ADAMTS3: variants seen among roughly 807,000 people sequenced by gnomAD.
The protein encoded by ADAMTS3 is A disintegrin and metalloproteinase with thrombospondin motifs 3.
A neutral mutation model predicts 129.0 loss-of-function variants in ADAMTS3; 73 were observed. That is an observed-to-expected ratio of 0.57 (90% CI 0.47 to 0.69). The LOEUF (loss-of-function observed/expected upper bound fraction) is 0.69. Ranked by LOEUF, ADAMTS3 falls within the 30% of genes least tolerant of loss-of-function variation. ADAMTS3 has a pLI of 0.00. For missense variants in ADAMTS3, 1,457 were observed against 1,514.5 expected, an observed-to-expected ratio of 0.96 and a Z score of 0.63; for synonymous variants, 477 against 510.8, an observed-to-expected ratio of 0.93 and a Z score of 0.89.
chr4:72,465,813 C>G (rs1269903790), intron 3 of ADAMTS3, among the ~76,000 whole-genome samples: 1 of 151,910 alleles, frequency 6.6e-6, no homozygotes, highest in African/African-American at 2.4e-5. Context: ...GCAGGTTTCC[C>G]CCATACTGTT....
At chr4:72,356,455 T>C (rs1720584346) in intron 4 of ADAMTS3, among the ~76,000 whole-genome samples, 1 of 151,916 alleles carries the variant, frequency 6.6e-6, no homozygotes, top group Non-Finnish European at 1.5e-5. Context: ...TGAGTTCATC[T>C]AGTTGTTATA....
chr4:72,568,199 G>T (rs572793655), intron 1 of ADAMTS3, among the ~76,000 whole-genome samples: 1 of 152,152 alleles, frequency 6.6e-6, no homozygotes, highest in East Asian at 1.9e-4. Flanking sequence ...CTCCCTGTCC[G>T]GCCCAAGGAC....
intron 13 of ADAMTS3, among the ~76,000 whole-genome samples, chr4:72,311,863 T>G (rs1719243879): frequency 6.6e-6 from 1 of 152,158 alleles, no homozygotes; most frequent in Non-Finnish European, 1.5e-5. Context: ...AGTAAAAAAG[T>G]AAAAGGTTAT....
rs544875498 is a variant in ADAMTS3, at chr4:72,340,801, C to A, written c.662-1108G>T. Among the ~76,000 whole-genome samples the A allele has an allele frequency of 4.2e-4, 64 of 152,210 alleles. 1 individual carries two copies. In the South Asian group the frequency reaches 0.013, roughly 31 times the overall value. On this transcript the variant is annotated intron_variant, in intron 4 of 21. Transcript: ENST00000286657. ...GTTTTAGTGAATTAAAAAATAAAATCTATCATTTGGATTAAAATTAGAGAG... is the reference window on the plus strand; with the variant it reads ...GTTTTAGTGAATTAAAAAATAAAATATATCATTTGGATTAAAATTAGAGAG...
rs192028963 is a variant in ADAMTS3 at position 72,548,455 on chromosome 4, G to A, written c.504+23C>T. 575 of 1,605,282 alleles carry A rather than the reference G, an allele frequency of 3.6e-4. 1 individual carries two copies. Among genetic ancestry groups the A allele is most frequent in the Admixed American group, 9.7e-4 (58 of 59,666 alleles). Reference sequence around the variant, plus strand: ...GCACTCCCAGCACCTGCAAACATACGCACAAAACAGAAGGAGTCTTACCAG... The same window carrying A: ...GCACTCCCAGCACCTGCAAACATACACACAAAACAGAAGGAGTCTTACCAG... On this transcript the variant is annotated intron_variant, in intron 3 of 21. Coordinates refer to ENST00000286657, the MANE Select transcript of ADAMTS3 (RefSeq NM_014243.3).
intron 4 of ADAMTS3, among the ~76,000 whole-genome samples, chr4:72,414,020 T>A (rs1182935962): frequency 6.6e-6 from 1 of 151,892 alleles, no homozygotes; most frequent in Non-Finnish European, 1.5e-5. Flanking sequence ...ACAAATTATT[T>A]CTAAATTACT....
intron 3 of ADAMTS3, among the ~76,000 whole-genome samples, chr4:72,495,935 A>G (rs1455745933): frequency 6.6e-6 from 1 of 152,226 alleles, no homozygotes. Context: ...ACATCTTTCC[A>G]TGTAAGCAAT....
intron 4 of ADAMTS3, among the ~76,000 whole-genome samples, chr4:72,383,520 A>G (rs2109882289): frequency 6.6e-6 from 1 of 152,354 alleles, no homozygotes; most frequent in African/African-American, 2.4e-5. Context: ...ACAGAAAGTC[A>G]TAGAAGGTGA....
intron 2 of ADAMTS3, among the ~76,000 whole-genome samples, chr4:72,566,112 G>A (rs1722014148): frequency 6.6e-6 from 1 of 152,098 alleles, no homozygotes; most frequent in African/African-American, 2.4e-5. Flanking sequence ...CATAAACACT[G>A]TACTTTTAGG....
chr4:72,551,618 T>C (rs1721648327), intron 2 of ADAMTS3, among the ~76,000 whole-genome samples: 1 of 152,184 alleles, frequency 6.6e-6, no homozygotes, highest in African/African-American at 2.4e-5. Context: ...ACCTGCCATT[T>C]ATTAGCAGAA....
intron 2 of ADAMTS3, among the ~76,000 whole-genome samples, chr4:72,564,566 T>C (rs1721979038): frequency 1.3e-5 from 2 of 152,128 alleles, no homozygotes; most frequent in African/African-American, 4.8e-5. Flanking sequence ...GCAGTTCCTA[T>C]CTGGTTGACA....
chr4:72,484,013 G>A (rs746378375), intron 3 of ADAMTS3, among the ~76,000 whole-genome samples: 45 of 151,466 alleles, frequency 3.0e-4, no homozygotes, highest in South Asian at 2.3e-3. Context: ...GCAGGACTCC[G>A]TCTCAAAAAA....
intron 18 of ADAMTS3, among the ~76,000 whole-genome samples, chr4:72,296,088 G>A (rs1718799793): frequency 6.6e-6 from 1 of 152,016 alleles, no homozygotes; most frequent in Admixed American, 6.6e-5. Flanking sequence ...ACAATACTTA[G>A]TGACATAGGC....
intron 2 of ADAMTS3, among the ~76,000 whole-genome samples, chr4:72,561,516 A>C (rs1345929654): frequency 1.3e-5 from 2 of 152,154 alleles, no homozygotes; most frequent in Non-Finnish European, 2.9e-5. Flanking sequence ...AAAAAAAAAG[A>C]AAGAAAAAAA....
chr4:72,455,731 T>C (rs1406993745), intron 3 of ADAMTS3, among the ~76,000 whole-genome samples: 2 of 145,980 alleles, frequency 1.4e-5, no homozygotes, highest in East Asian at 4.0e-4. Context: ...ATCAAATTTG[T>C]AATTTTTACA....
chr4:72,486,929 A>G (rs1719606401), intron 3 of ADAMTS3, among the ~76,000 whole-genome samples: 1 of 152,164 alleles, frequency 6.6e-6, no homozygotes, highest in South Asian at 2.1e-4. Flanking sequence ...TGCTCAGTTA[A>G]CTGTAGATTG....
At chr4:72,417,931 T>TTAAAAAAAATAAAAAA (rs76545577) in intron 3 of ADAMTS3, among the ~76,000 whole-genome samples, 1 of 100,680 alleles carries the variant, frequency 9.9e-6, no homozygotes, top group Admixed American at 1.4e-4. Flanking sequence ...AGACTCCATC[T>TTAAAAAAAATAAAAAA]CAAAAAAAAA....
At chr4:72,515,747 G>A (rs925927770) in intron 3 of ADAMTS3, among the ~76,000 whole-genome samples, 9 of 151,934 alleles carry the variant, frequency 5.9e-5, no homozygotes, top group African/African-American at 2.2e-4. Context: ...CCCTTTGTCA[G>A]ATGAGTAGGT....
intron 19 of ADAMTS3, among the ~76,000 whole-genome samples, chr4:72,293,873 C>T (rs542878081): frequency 6.6e-6 from 1 of 152,032 alleles, no homozygotes; most frequent in Admixed American, 6.6e-5. Context: ...TACATTGCAT[C>T]TGTGAAATAA....
Sources: gnomAD v4.1 joint callset for allele counts (sites outside exome capture counted in the v4.1 genomes callset) on GRCh38, gnomAD v4.1.1 for gene constraint, MANE v1.5 for transcripts, NCBI Gene and HGNC (gene_info 2026-07-23, HGNC 2026-07-21) for gene names.